The following GLUD1 variants were observed in gnomAD, a reference collection of about 807,000 sequenced individuals.
GLUD1 encodes glutamate dehydrogenase 1, mitochondrial.
A neutral mutation model predicts 56.0 loss-of-function variants in GLUD1; 22 were observed. The ratio of observed to expected loss-of-function variants is 0.39; its 90% confidence interval spans 0.28 to 0.56. The LOEUF is 0.56. GLUD1 is among the 20% of genes least tolerant of loss of function. The probability of loss-of-function intolerance (pLI) is 0.58; values close to 1 mark genes in which losing one functional copy is unlikely to be tolerated. For synonymous variants in GLUD1, 223 were observed against 269.9 expected, an observed-to-expected ratio of 0.83 and a Z score of 1.70; for missense variants, 451 against 732.0, an observed-to-expected ratio of 0.62 and a Z score of 4.43.
chr10:87,062,919 A>C, intron 5 of GLUD1, 84 bp from the exon 6 acceptor site: 1 of 1,252,742 alleles, frequency 8.0e-7, no homozygotes, highest in Non-Finnish European at 1.2e-6. Flanking sequence ...GTCAAAGCAC[A>C]TTCTCATTTA....
chr10:87,069,287 A>T (rs530275437), intron 4 of GLUD1, among the ~76,000 whole-genome samples: 81 of 152,050 alleles, frequency 5.3e-4, no homozygotes, highest in African/African-American at 1.7e-3. Context: ...GAGGCTGAGG[A>T]GGGCGGATCA....
At chr10:87,081,727 G>C (rs1841259587) in intron 1 of GLUD1, among the ~76,000 whole-genome samples, 1 of 151,972 alleles carries the variant, frequency 6.6e-6, no homozygotes, top group Non-Finnish European at 1.5e-5. Context: ...GATGTGCTTT[G>C]TTAAACAGAT....
intron 3 of GLUD1, 62 bp downstream of exon 3, chr10:87,075,904 ACT>A: frequency 9.1e-7 from 1 of 1,093,000 alleles, no homozygotes; most frequent in Middle Eastern, 2.0e-4. Flanking sequence ...ACAGAGGAAG[ACT>A]CTGTCTCAGA....
chr10:87,067,324 A>G (rs1489536069), intron 5 of GLUD1, among the ~76,000 whole-genome samples: 2 of 152,106 alleles, frequency 1.3e-5, no homozygotes, highest in African/African-American at 4.8e-5. Flanking sequence ...CTGCAGCCTC[A>G]ACCTCCTGGG....
rs182847517 is a variant in GLUD1, at chr10:87,073,767, C to T, written c.646+784G>A. ...CTGAGTAGCTGGGACTACAGGCACT[C>T]GCGACCACGCCTGGCAAATTTTTTG... On this transcript the variant is annotated intron_variant, in intron 4 of 12. Coordinates refer to ENST00000277865, the MANE Select transcript of GLUD1 (RefSeq NM_005271.5). Among the ~76,000 whole-genome samples the T allele has an allele frequency of 1.3e-3, 199 of 151,766 alleles. 1 individual carries two copies. The highest frequency in any genetic ancestry group is 4.7e-3 in the African/African-American group (194 of 41,414).
At chr10:87,086,832 GAAAAAAAAAAAA>G (rs367807316) in intron 1 of GLUD1, among the ~76,000 whole-genome samples, 1 of 70,420 alleles carries the variant, frequency 1.4e-5, no homozygotes, top group African/African-American at 4.7e-5. Flanking sequence ...CCGTCTCAAA[GAAAAAAAAAAAA>G]AAAAAAAGGA....
chr10:87,080,170 C>T (rs185568010), intron 1 of GLUD1, among the ~76,000 whole-genome samples: 1,614 of 152,140 alleles, frequency 0.011, 16 homozygotes, highest in Middle Eastern at 0.02. Flanking sequence ...CAGCTCCTAA[C>T]CGCGAGTGAT....
At chr10:87,061,320 G>C (rs1022469638) in intron 6 of GLUD1, 1 of 565,634 alleles carries the variant, frequency 1.8e-6, no homozygotes. Context: ...TCAGGAGTTC[G>C]AGATCAGCCA....
intron 3 of GLUD1, among the ~76,000 whole-genome samples, chr10:87,075,622 G>A (rs948529970): frequency 1.1e-4 from 17 of 152,166 alleles, no homozygotes; most frequent in Admixed American, 1.1e-3. Flanking sequence ...TGCACTGTGT[G>A]CACAAATGTC....
chr10:87,086,853 GAAAA>G (rs1348904410), intron 1 of GLUD1, among the ~76,000 whole-genome samples: 4 of 150,028 alleles, frequency 2.7e-5, no homozygotes, highest in Admixed American at 2.7e-4. Flanking sequence ...AAAAAAAAAG[GAAAA>G]AATTGTTTTT....
intron 1 of GLUD1, chr10:87,089,539 G>A (rs576566346): frequency 4.8e-4 from 394 of 826,208 alleles, no homozygotes; most frequent in Non-Finnish European, 5.6e-4. Context: ...CTGAATAAAT[G>A]TTAGCCTTTG....
chr10:87,075,921 CA>C, intron 3 of GLUD1, 46 bp downstream of exon 3: 1 of 1,325,384 alleles, frequency 7.5e-7, no homozygotes. Context: ...CTCAGAAAAA[CA>C]AAAACAACAA....
At position 87,094,831 on chromosome 10, in the gene GLUD1, C is replaced by G; in HGVS notation, c.-62G>C. The G allele has an allele frequency of 7.6e-7, 1 of 1,314,064 alleles. No individual in the cohort carries two copies. The highest frequency in any genetic ancestry group is 1.3e-5 in the South Asian group (1 of 77,462). 81.4% of individuals were successfully genotyped at this position (1,314,064 alleles called of 1,614,324 possible). A position where few individuals can be genotyped will look rare whatever the true frequency, so the allele number is the denominator to read the frequency against. On this transcript the variant is annotated 5_prime_UTR_variant, in exon 1 of 13. Coordinates refer to ENST00000277865, the MANE Select transcript of GLUD1 (RefSeq NM_005271.5). This position sits in a 1 kb window ranked among gnomAD's most constrained non-coding sequence, Gnocchi z 6.6. ...AACAGGCGCGCTTTCTCAGACTCCC[C>G]GCGACTAGGGAGGAAGGGTCCCGCG...
intron 1 of GLUD1, among the ~76,000 whole-genome samples, chr10:87,090,281 C>T (rs1393783574): frequency 1.3e-5 from 2 of 152,176 alleles, no homozygotes; most frequent in African/African-American, 2.4e-5. Context: ...AAAGTTCAGG[C>T]TCAATTTTTA....
intron 1 of GLUD1, among the ~76,000 whole-genome samples, chr10:87,080,575 C>T (rs1045222764): frequency 1.3e-5 from 2 of 151,446 alleles, no homozygotes. Context: ...ATGTGGGGAG[C>T]GCCTTTGCCC....
chr10:87,052,723 T>C (rs1845671198), intron 12 of GLUD1, among the ~76,000 whole-genome samples: 1 of 136,532 alleles, frequency 7.3e-6, no homozygotes, highest in Non-Finnish European at 1.6e-5. Flanking sequence ...TCTAGAATTA[T>C]AAAGTGGTGA....
At chr10:87,084,462 G>A (rs1841335936) in intron 1 of GLUD1, among the ~76,000 whole-genome samples, 1 of 152,186 alleles carries the variant, frequency 6.6e-6, no homozygotes, top group Admixed American at 6.5e-5. Flanking sequence ...CTATAGTGAT[G>A]AAGAAAACAA....
intron 1 of GLUD1, among the ~76,000 whole-genome samples, chr10:87,085,148 A>G (rs1478012191): frequency 6.6e-6 from 1 of 152,092 alleles, no homozygotes; most frequent in African/African-American, 2.4e-5. Context: ...GTTCGAGACC[A>G]GCCTGGCCAA....
intron 1 of GLUD1, among the ~76,000 whole-genome samples, chr10:87,091,071 T>C (rs1841499990): frequency 6.6e-6 from 1 of 152,174 alleles, no homozygotes; most frequent in Admixed American, 6.5e-5. Flanking sequence ...TGGATTAATA[T>C]AGGGTACACT....
Sources: allele counts gnomAD v4.1 joint callset (sites outside exome capture counted in the v4.1 genomes callset), GRCh38; gene constraint gnomAD v4.1.1; non-coding constraint Gnocchi (gnomAD v3.1); transcripts MANE v1.5; gene names NCBI Gene and HGNC (gene_info 2026-07-23, HGNC 2026-07-21).